Variants in CNTN1 observed in about 807,000 individuals in gnomAD.
CNTN1 encodes the protein contactin 1, also known as contactin-1.
Under a neutral mutation model 126.4 loss-of-function variants are expected in CNTN1, and 38 were observed. The observed-to-expected ratio is 0.30, with a 90% CI of 0.23 to 0.39. CNTN1 has a LOEUF of 0.39. Ranked by LOEUF, CNTN1 falls within the 10% of genes least tolerant of loss-of-function variation. CNTN1 has a pLI of 1.00. For missense variants in CNTN1, 1,009 were observed against 1,248.4 expected, an observed-to-expected ratio of 0.81 and a Z score of 2.89; for synonymous variants, 413 against 422.6, an observed-to-expected ratio of 0.98 and a Z score of 0.28.
chr12:40,835,263 T>G (rs1027773701), intron 1 of CNTN1, among the ~76,000 whole-genome samples: 7 of 152,182 alleles, frequency 4.6e-5, no homozygotes, highest in Non-Finnish European at 7.4e-5. Flanking sequence ...TTGCAAGCAC[T>G]TAGTATAATT....
chr12:40,924,466 A>G (rs1945560952), intron 5 of CNTN1, 91 bp from the exon 6 acceptor site: 2 of 740,632 alleles, frequency 2.7e-6, no homozygotes, highest in Non-Finnish European at 4.9e-6. Flanking sequence ...TATCTCACGA[A>G]TGAGTTATTT....
chr12:41,048,929 T>G (rs1056778652), intron 23 of CNTN1, among the ~76,000 whole-genome samples: 3 of 152,200 alleles, frequency 2.0e-5, no homozygotes, highest in Non-Finnish European at 4.4e-5. Flanking sequence ...TATCTTAAAT[T>G]TGTTCCAATC....
At chr12:40,788,252 A>G (rs972057304) in intron 1 of CNTN1, among the ~76,000 whole-genome samples, 1 of 152,132 alleles carries the variant, frequency 6.6e-6, no homozygotes, top group East Asian at 1.9e-4. Flanking sequence ...CACAGCCGCT[A>G]TGGAAAAATA....
At chr12:41,002,558 C>CTTTTTTT (rs1360030646) in intron 17 of CNTN1, among the ~76,000 whole-genome samples, 2 of 134,598 alleles carry the variant, frequency 1.5e-5, no homozygotes, top group African/African-American at 2.8e-5. Flanking sequence ...GGGTTTCTTT[C>CTTTTTTT]TTTTTTTTTT....
intron 1 of CNTN1, among the ~76,000 whole-genome samples, chr12:40,792,117 G>A (rs1940241594): frequency 6.6e-6 from 1 of 152,050 alleles, no homozygotes; most frequent in African/African-American, 2.4e-5. Context: ...TGATCATGCA[G>A]GAATTCCGAA....
chr12:41,007,352 G>A (rs368656900), intron 17 of CNTN1, among the ~76,000 whole-genome samples: 20 of 152,172 alleles, frequency 1.3e-4, no homozygotes, highest in East Asian at 3.9e-4. Flanking sequence ...GAGCCACCGC[G>A]CCCGGCCAGT....
chr12:40,721,862 C>A (rs1268432296), intron 1 of CNTN1, among the ~76,000 whole-genome samples: 1 of 151,212 alleles, frequency 6.6e-6, no homozygotes, highest in Admixed American at 6.6e-5. Context: ...TCATCCATGT[C>A]CCTACAAAGG....
chr12:40,993,296 T>G (rs745351509), intron 17 of CNTN1, 27 bp downstream of exon 17: 10 of 1,594,318 alleles, frequency 6.3e-6, no homozygotes. Context: ...AACTTGAAAT[T>G]TTAAAAGATT....
intron 17 of CNTN1, among the ~76,000 whole-genome samples, chr12:41,009,090 C>A (rs1202465077): frequency 1.3e-5 from 2 of 152,136 alleles, no homozygotes; most frequent in East Asian, 3.9e-4. Flanking sequence ...TGAAGAGGGC[C>A]CAATCTGGAT....
At chr12:40,781,152 T>A (rs1015345473) in intron 1 of CNTN1, among the ~76,000 whole-genome samples, 4 of 151,958 alleles carry the variant, frequency 2.6e-5, no homozygotes, top group African/African-American at 9.7e-5. Context: ...TCTTGGGACA[T>A]AAGCTATGAC....
At chr12:40,788,792 A>T (rs1940120907) in intron 1 of CNTN1, among the ~76,000 whole-genome samples, 1 of 152,162 alleles carries the variant, frequency 6.6e-6, no homozygotes. Context: ...TAAGTTCACT[A>T]GTAAAGCTTC....
chr12:40,939,615 A>T, intron 12 of CNTN1, 130 bp downstream of exon 12: 1 of 956,990 alleles, frequency 1.0e-6, no homozygotes, highest in African/African-American at 1.6e-5. Context: ...AAGATCCTGT[A>T]GTTCTAAGAT....
At chr12:40,828,125 T>A (rs558042037) in intron 1 of CNTN1, 1 of 152,168 alleles carries the variant, frequency 6.6e-6, no homozygotes, top group Non-Finnish European at 1.5e-5. Flanking sequence ...TCTCCCCAGG[T>A]TGGCTGAAGG....
intron 23 of CNTN1, among the ~76,000 whole-genome samples, chr12:41,062,175 G>T (rs1311665528): frequency 6.6e-6 from 1 of 152,082 alleles, no homozygotes; most frequent in Admixed American, 6.5e-5. Flanking sequence ...TTTTGTCAAA[G>T]TCATGAAGTT....
chr12:40,695,042 C>T (rs1473320013), intron 1 of CNTN1, among the ~76,000 whole-genome samples: 2 of 152,200 alleles, frequency 1.3e-5, no homozygotes, highest in Non-Finnish European at 2.9e-5. Context: ...ACTATTTTCA[C>T]TTGGGAACTT....
chr12:40,828,846 A>G (rs564054272), intron 1 of CNTN1, among the ~76,000 whole-genome samples: 45 of 152,316 alleles, frequency 3.0e-4, no homozygotes, highest in Non-Finnish European at 5.9e-5. Context: ...CCTTGCTGTC[A>G]AACAAACCAT....
chr12:41,010,833 C>G (rs1376599029), intron 17 of CNTN1, among the ~76,000 whole-genome samples: 2 of 150,738 alleles, frequency 1.3e-5, no homozygotes, highest in Admixed American at 1.3e-4. Flanking sequence ...TTCCATCCAT[C>G]TGTGGCATCA....
Position 41,025,169 on chromosome 12 carries a change from A to G in CNTN1, c.2543A>G (p.His848Arg), listed in dbSNP as rs769577018. The G allele has an allele frequency of 5.0e-6, 8 of 1,613,832 alleles. No homozygotes were observed. In the East Asian group the frequency reaches 1.3e-4, roughly 27 times the overall value. Residue 848 changes from histidine to arginine, a missense_variant, in exon 21 of 24, where the codon CAT (histidine) becomes CGT (arginine). Physicochemically the swap from His to Arg is conservative, Grantham distance 29. Coordinates refer to ENST00000551295, the MANE Select transcript of CNTN1 (RefSeq NM_001843.4). ...ESYQIRYWAA[H>R]DKEEAANRVQ... ...TTGCAGATTCGGTATTGGGCTGCCC[A>G]TGACAAAGAAGAAGCTGCAAACAGA... is the stretch of plus-strand genomic sequence containing the variant.
intron 1 of CNTN1, among the ~76,000 whole-genome samples, chr12:40,821,512 A>G (rs1206227407): frequency 6.6e-6 from 1 of 152,190 alleles, no homozygotes; most frequent in Non-Finnish European, 1.5e-5. Flanking sequence ...TAGTAGTAGT[A>G]TTAGTGGTCT....
Sources: allele counts gnomAD v4.1 joint callset (sites outside exome capture counted in the v4.1 genomes callset), GRCh38; gene constraint gnomAD v4.1.1; transcripts MANE v1.5; gene names NCBI Gene and HGNC (gene_info 2026-07-23, HGNC 2026-07-21).